LRBA: variants seen among roughly 807,000 people sequenced by gnomAD.
LRBA encodes the protein lipopolysaccharide-responsive and beige-like anchor protein.
Under a neutral mutation model 330.0 loss-of-function variants are expected in LRBA, and 176 were observed. That is an observed-to-expected ratio of 0.53 (90% CI 0.47 to 0.60). The LOEUF (loss-of-function observed/expected upper bound fraction) is 0.60, where lower values mean the gene tolerates loss of function less well. LRBA is among the 20% of genes least tolerant of loss of function. LRBA has a pLI of 0.00. For missense variants in LRBA, 3,259 were observed against 3,444.8 expected (o/e 0.95, Z 1.35); for synonymous variants, 1,230 against 1,193.0 (o/e 1.03, Z -0.64).
chr4:150,445,785 C>T (rs982959359), intron 44 of LRBA, among the ~76,000 whole-genome samples: 1 of 152,004 alleles, frequency 6.6e-6, no homozygotes, highest in African/African-American at 2.4e-5. Context: ...CTGCCTCAGC[C>T]TCCTGAGCAG....
rs536274765 is a variant in LRBA at position 150,713,504 on chromosome 4, T to C, written c.5754+21754A>G. On this transcript the variant is annotated intron_variant, in intron 36 of 56. Transcript: ENST00000651943. ...AATGACAAGCAAAAAGTCCAGGAGA[T>C]TGATTTTCAAACTTTTGGTTTTGGC... 7.2e-5 allele frequency among the ~76,000 whole-genome samples: 11 copies of C among 152,318 alleles called. No individual in the cohort carries two copies. In the South Asian group the frequency reaches 1.2e-3, roughly 17 times the overall value.
chr4:150,656,956 T>C (rs1780249148), intron 37 of LRBA, among the ~76,000 whole-genome samples: 1 of 152,186 alleles, frequency 6.6e-6, no homozygotes, highest in East Asian at 1.9e-4. Context: ...AAAAGGCAAA[T>C]ATGTAACATA....
chr4:150,863,939 A>T (rs904315166), intron 22 of LRBA, among the ~76,000 whole-genome samples: 17 of 151,752 alleles, frequency 1.1e-4, no homozygotes, highest in African/African-American at 3.9e-4. Flanking sequence ...TTATTTATTT[A>T]TTTATTTATT....
At chr4:150,367,587 C>A (rs1358695199) in intron 47 of LRBA, among the ~76,000 whole-genome samples, 1 of 152,182 alleles carries the variant, frequency 6.6e-6, no homozygotes, top group African/African-American at 2.4e-5. Context: ...GCACATGTAA[C>A]TTAGCAAATG....
intron 37 of LRBA, among the ~76,000 whole-genome samples, chr4:150,646,297 T>G (rs1179225168): frequency 6.6e-6 from 1 of 152,012 alleles, no homozygotes; most frequent in Non-Finnish European, 1.5e-5. Context: ...AAATAACAGT[T>G]ATTGCCATGA....
In LRBA at chr4:150,463,672, C is replaced by T. The variant is rs111749649; in HGVS notation, c.6780+4001G>A. Among the ~76,000 whole-genome samples the T allele has an allele frequency of 5.6e-3, 854 of 151,956 alleles. 11 individuals carry two copies. Among genetic ancestry groups the T allele is most frequent in the African/African-American group, 0.018 (740 of 41,474 alleles). Reference sequence around the variant, plus strand: ...TAGTTAAAATAATATTTTACCCACCCAACAAAAGTATTTCACAAGTTCCTT... The same window carrying T: ...TAGTTAAAATAATATTTTACCCACCTAACAAAAGTATTTCACAAGTTCCTT... On this transcript the variant is annotated intron_variant, in intron 44 of 56. Coordinates refer to ENST00000651943, the MANE Select transcript of LRBA (RefSeq NM_001364905.1).
intron 8 of LRBA, among the ~76,000 whole-genome samples, 183 bp downstream of exon 8, chr4:150,915,425 T>A (rs1732478720): frequency 6.6e-6 from 1 of 152,140 alleles, no homozygotes; most frequent in Non-Finnish European, 1.5e-5. Flanking sequence ...AATGATTTTA[T>A]AACAAGGACT....
At chr4:150,435,731 AT>A (rs755190868) in intron 45 of LRBA, 23 bp from the exon 46 acceptor site, 2 of 1,587,402 alleles carry the variant, frequency 1.3e-6, no homozygotes, top group South Asian at 2.3e-5. Context: ...AATTAAAAAA[AT>A]CCATATGTTC....
At position 150,828,626 on chromosome 4, in the gene LRBA, A is replaced by T; in HGVS notation, c.4730-5T>A. On this transcript the variant is annotated splice_polypyrimidine_tract_variant and splice_region_variant and intron_variant, in intron 29 of 56. Transcript: ENST00000651943. The stretch of plus-strand genomic sequence containing the variant: ...TGAATGCTGCTGGTGTGATTTCTAT[A>T]TCATACCCAGAAACACAAGAAATAA... The T allele has an allele frequency of 6.2e-7, 1 of 1,604,220 alleles. No homozygotes were observed. The highest frequency in any genetic ancestry group is 8.5e-7 in the Non-Finnish European group (1 of 1,175,490).
At chr4:150,902,875 G>A (rs547932793) in intron 13 of LRBA, among the ~76,000 whole-genome samples, 1 of 152,208 alleles carries the variant, frequency 6.6e-6, no homozygotes, top group Non-Finnish European at 1.5e-5. Context: ...TACCCCAACT[G>A]ATTCTATCAG....
intron 2 of LRBA, among the ~76,000 whole-genome samples, chr4:150,991,357 G>A (rs957898878): frequency 2.0e-5 from 3 of 152,154 alleles, no homozygotes; most frequent in African/African-American, 4.8e-5. Context: ...TATTCACCCA[G>A]GAGAAAGGAA....
intron 41 of LRBA, among the ~76,000 whole-genome samples, chr4:150,490,555 C>T (rs1366493604): frequency 1.3e-5 from 2 of 151,824 alleles, no homozygotes; most frequent in Admixed American, 6.6e-5. Flanking sequence ...ACATATGAAT[C>T]GTTATTGTCC....
chr4:150,550,285 T>C lies in LRBA; in HGVS notation c.6330+37763A>G, dbSNP rs565946867. ...GATAACATGAACATGCATGCTCCACTTTAGGGGTAGCTAAAACAACACCCC... is the reference window on the plus strand; with the variant it reads ...GATAACATGAACATGCATGCTCCACCTTAGGGGTAGCTAAAACAACACCCC... On this transcript the variant is annotated intron_variant, in intron 40 of 56. Coordinates refer to ENST00000651943, the MANE Select transcript of LRBA (RefSeq NM_001364905.1). 1.2e-4 allele frequency among the ~76,000 whole-genome samples: 18 copies of C among 152,260 alleles called. No homozygotes were observed. In the South Asian group the frequency reaches 3.3e-3, roughly 28 times the overall value.
chr4:150,481,656 T>C (rs1185805117), intron 42 of LRBA, among the ~76,000 whole-genome samples: 1 of 152,114 alleles, frequency 6.6e-6, no homozygotes, highest in Non-Finnish European at 1.5e-5. Context: ...AATAAAACCA[T>C]GGCCTATGGC....
intron 30 of LRBA, among the ~76,000 whole-genome samples, chr4:150,826,162 C>G (rs1315578619): frequency 6.6e-6 from 1 of 152,120 alleles, no homozygotes; most frequent in Non-Finnish European, 1.5e-5. Flanking sequence ...GAATCTAAGG[C>G]TAGATTTAAT....
At chr4:150,750,891 G>A (rs1200694476) in intron 35 of LRBA, among the ~76,000 whole-genome samples, 9 of 149,072 alleles carry the variant, frequency 6.0e-5, no homozygotes, top group Admixed American at 6.0e-4. Flanking sequence ...AAGGAAGCAG[G>A]GAAGGAAAAA....
intron 37 of LRBA, among the ~76,000 whole-genome samples, chr4:150,621,617 C>T (rs182847735): frequency 1.3e-5 from 2 of 152,290 alleles, no homozygotes; most frequent in East Asian, 1.9e-4. Flanking sequence ...ACCTCCCTAA[C>T]ACCTTAAAAG....
chr4:150,818,422 A>G (rs1744908020), intron 30 of LRBA, among the ~76,000 whole-genome samples: 1 of 152,030 alleles, frequency 6.6e-6, no homozygotes, highest in Non-Finnish European at 1.5e-5. Flanking sequence ...ACACTAAAAA[A>G]TAGAAGCAAC....
intron 50 of LRBA, among the ~76,000 whole-genome samples, chr4:150,318,892 G>A (rs1732091094): frequency 6.6e-6 from 1 of 152,120 alleles, no homozygotes; most frequent in Non-Finnish European, 1.5e-5. Flanking sequence ...ACAGAAAGGT[G>A]AGCCAGGACT....
Sources: gnomAD v4.1 joint callset for allele counts (sites outside exome capture counted in the v4.1 genomes callset) on GRCh38, gnomAD v4.1.1 for gene constraint, MANE v1.5 for transcripts, NCBI Gene and HGNC (gene_info 2026-07-23, HGNC 2026-07-21) for gene names.